HMG20A: variants seen among roughly 807,000 people sequenced by gnomAD.
HMG20A encodes the protein high mobility group protein 20A.
HMG20A carries 17 observed loss-of-function variants against 43.9 expected under a neutral mutation model. That is an observed-to-expected ratio of 0.39 (90% confidence interval 0.27 to 0.58). The LOEUF is 0.58. Among genes scored for constraint, HMG20A ranks in the 20% least tolerant of loss-of-function variants. The probability of loss-of-function intolerance (pLI) is 0.59; values close to 1 mark genes in which losing one functional copy is unlikely to be tolerated. For missense variants in HMG20A, 341 were observed against 438.2 expected, an observed-to-expected ratio of 0.78 and a Z score of 1.98; for synonymous variants, 132 against 147.5, an observed-to-expected ratio of 0.89 and a Z score of 0.76.
At chr15:77,466,515 A>G (rs557412536) in intron 3 of HMG20A, among the ~76,000 whole-genome samples, 12 of 152,362 alleles carry the variant, frequency 7.9e-5, no homozygotes, top group Admixed American at 4.6e-4. Flanking sequence ...TCTATCTGCT[A>G]TGCTATGCTA....
chr15:77,434,745 C>T (rs1282302644), intron 1 of HMG20A, among the ~76,000 whole-genome samples: 2 of 152,066 alleles, frequency 1.3e-5, no homozygotes, highest in African/African-American at 4.8e-5. Flanking sequence ...TTGAGAATAT[C>T]AAGTATTGAT....
chr15:77,435,010 A>G (rs1470794688), intron 1 of HMG20A, among the ~76,000 whole-genome samples: 1 of 152,192 alleles, frequency 6.6e-6, no homozygotes, highest in Non-Finnish European at 1.5e-5. Context: ...TCTTGTATCT[A>G]CATGGATGAT....
chr15:77,480,605 C>G (rs2460768), intron 9 of HMG20A, among the ~76,000 whole-genome samples: 1 of 142,094 alleles, frequency 7.0e-6, no homozygotes, highest in African/African-American at 2.6e-5. Flanking sequence ...GAGCAAGATT[C>G]TGTCTCAAAA....
In HMG20A at chr15:77,421,018, G is replaced by A; in HGVS notation, c.-5+14G>A. The stretch of plus-strand genomic sequence containing the variant: ...TGTCGTCAGCAGGTCAGTAAGCAAG[G>A]CGAGCTTGGGGGTGGCCCCAGTCGA... On this transcript the variant is annotated intron_variant, in intron 1 of 9. Transcript: ENST00000336216. The A allele has an allele frequency of 2.5e-6, 1 of 398,800 alleles. No homozygotes were observed. 24.7% of individuals were successfully genotyped at this position (398,800 alleles called of 1,614,324 possible).
chr15:77,508,146 G>A, the HMG20A span, among the ~76,000 whole-genome samples: 5 of 152,168 alleles, frequency 3.3e-5, no homozygotes, highest in Non-Finnish European at 4.4e-5. Context: ...GAGGAGGGAC[G>A]GGGAGGTCCT....
At chr15:77,439,070 G>A (rs958169219) in intron 1 of HMG20A, among the ~76,000 whole-genome samples, 3 of 152,204 alleles carry the variant, frequency 2.0e-5, no homozygotes, top group African/African-American at 7.2e-5. Flanking sequence ...TGGGATTACA[G>A]GCGTGAGTCA....
At chr15:77,423,029 A>G (rs1462022001) in intron 1 of HMG20A, among the ~76,000 whole-genome samples, 4 of 152,174 alleles carry the variant, frequency 2.6e-5, no homozygotes, top group African/African-American at 4.8e-5. Context: ...AATAGAGAAT[A>G]TCATGTTAAA....
At chr15:77,478,179 T>G in intron 7 of HMG20A, 116 bp from the exon 8 acceptor site, 1 of 882,580 alleles carries the variant, frequency 1.1e-6, no homozygotes, top group Non-Finnish European at 1.9e-6. Context: ...AATAGGGAGA[T>G]GAGGTGGGGT....
At chr15:77,440,258 T>C (rs2073596904) in intron 1 of HMG20A, among the ~76,000 whole-genome samples, 1 of 152,182 alleles carries the variant, frequency 6.6e-6, no homozygotes, top group African/African-American at 2.4e-5. Context: ...TTGCCTAGCC[T>C]AAGATCATGA....
chr15:77,504,282 C>T, the HMG20A span, among the ~76,000 whole-genome samples: 1 of 152,148 alleles, frequency 6.6e-6, no homozygotes, highest in Non-Finnish European at 1.5e-5. Flanking sequence ...CTTTGTCTGC[C>T]GCTCCCAGAG....
Position 77,473,898 on chromosome 15 carries a change from T to A in HMG20A, c.615+2084T>A, listed in dbSNP as rs145229903. 5.2e-3 allele frequency among the ~76,000 whole-genome samples: 791 copies of A among 152,348 alleles called. 9 individuals are homozygous for A. Among genetic ancestry groups the A allele is most frequent in the African/African-American group, 0.018 (763 of 41,572 alleles). On this transcript the variant is annotated intron_variant, in intron 6 of 9. Transcript: ENST00000336216. The stretch of plus-strand genomic sequence containing the variant: ...TATGGCCACAGCAGGATAAAGCTCC[T>A]TTAGTAAGCGTGTTGACCCAATTAA...
the HMG20A span, among the ~76,000 whole-genome samples, chr15:77,517,145 A>G: frequency 3.3e-5 from 5 of 152,148 alleles, no homozygotes; most frequent in Non-Finnish European, 5.9e-5. Flanking sequence ...CCCTGTGGGG[A>G]TCCACGGGCA....
chr15:77,458,478 A>AT lies in HMG20A; in HGVS notation c.72dup (p.Asp25Ter). On this transcript the variant is annotated frameshift_variant, in exon 2 of 10. Coordinates refer to ENST00000336216, the MANE Select transcript of HMG20A (RefSeq NM_001304504.2). LOFTEE classifies it high-confidence loss of function. ...GATGAAGACGGTTCCAAGGAGAGTA[A>AT]TGATCTGGCTACCACTGGGTAAGCA... The AT allele has an allele frequency of 6.2e-7, 1 of 1,612,344 alleles. No individual in the cohort carries two copies. Among genetic ancestry groups the AT allele is most frequent in the Non-Finnish European group, 8.5e-7 (1 of 1,178,538 alleles).
At chr15:77,463,077 G>A (rs1186609105) in intron 2 of HMG20A, among the ~76,000 whole-genome samples, 1 of 151,926 alleles carries the variant, frequency 6.6e-6, no homozygotes, top group African/African-American at 2.4e-5. Flanking sequence ...TAGCCATTCT[G>A]CCTCTTAAGT....
chr15:77,479,284 T>C lies in HMG20A; in HGVS notation c.1013T>C (p.Val338Ala). Residue 338 changes from valine (V) to alanine (A), a missense_variant, in exon 9 of 10, where the codon GTT (valine) becomes GCT (alanine). Coordinates refer to ENST00000336216, the MANE Select transcript of HMG20A (RefSeq NM_001304504.2). ...PQDNENFIAT[V>A]REVVNRLDR Reference sequence around the variant, plus strand: ...GACAATGAAAACTTCATAGCTACAGTTCGAGAAGTTGTGAACAGACTCGAT... The same window carrying C: ...GACAATGAAAACTTCATAGCTACAGCTCGAGAAGTTGTGAACAGACTCGAT... The C allele has an allele frequency of 1.2e-6, 2 of 1,614,158 alleles. No individual in the cohort carries two copies. Among genetic ancestry groups the C allele is most frequent in the Non-Finnish European group, 1.7e-6 (2 of 1,180,010 alleles).
chr15:77,517,566 T>C, the HMG20A span, among the ~76,000 whole-genome samples: 2 of 150,918 alleles, frequency 1.3e-5, no homozygotes, highest in Admixed American at 1.3e-4. Context: ...AAACAGAGGA[T>C]TCCAGAAAAT....
chr15:77,504,425 C>T, the HMG20A span, among the ~76,000 whole-genome samples: 7 of 152,378 alleles, frequency 4.6e-5, no homozygotes, highest in South Asian at 1.5e-3. Context: ...TGAGCTGGCT[C>T]AGGGCCCATT....
At chr15:77,437,970 GT>G (rs2073567689) in intron 1 of HMG20A, among the ~76,000 whole-genome samples, 1 of 151,232 alleles carries the variant, frequency 6.6e-6, no homozygotes, top group African/African-American at 2.4e-5. Context: ...AATTTTGTTC[GT>G]TTTTTTGAGA....
At chr15:77,498,359 G>C in the HMG20A span, among the ~76,000 whole-genome samples, 8 of 152,326 alleles carry the variant, frequency 5.3e-5, no homozygotes, top group African/African-American at 1.9e-4. Flanking sequence ...GGCACGTCTA[G>C]AGCTCACGTT....
Sources: gnomAD v4.1 joint callset for allele counts (sites outside exome capture counted in the v4.1 genomes callset) on GRCh38, gnomAD v4.1.1 for gene constraint, MANE v1.5 for transcripts, NCBI Gene and HGNC (gene_info 2026-07-23, HGNC 2026-07-21) for gene names.